Variants in LRP1B observed in about 807,000 individuals in gnomAD.
LRP1B encodes low-density lipoprotein receptor-related protein 1B.
A neutral mutation model predicts 556.6 loss-of-function variants in LRP1B; 217 were observed. The ratio of observed to expected loss-of-function variants is 0.39; its 90% CI spans 0.35 to 0.44. The LOEUF (loss-of-function observed/expected upper bound fraction) is 0.44, where lower values mean the gene tolerates loss of function less well. Ranked by LOEUF, LRP1B falls within the 20% of genes least tolerant of loss-of-function variation. The pLI, the probability that LRP1B is intolerant of heterozygous loss-of-function variation, is 1.00. For synonymous variants in LRP1B, 2,047 were observed against 1,865.8 expected, an observed-to-expected ratio of 1.10 and a Z score of -2.50; for missense variants, 5,053 against 5,620.8, an observed-to-expected ratio of 0.90 and a Z score of 3.23.
chr2:140,740,975 C>T (rs1299496366), intron 35 of LRP1B, among the ~76,000 whole-genome samples: 1 of 152,116 alleles, frequency 6.6e-6, no homozygotes, highest in African/African-American at 2.4e-5. Flanking sequence ...TTTTGAGGGA[C>T]ACCACTCAGC....
At chr2:141,084,895 C>T (rs1327627944) in intron 7 of LRP1B, among the ~76,000 whole-genome samples, 2 of 151,966 alleles carry the variant, frequency 1.3e-5, no homozygotes, top group Admixed American at 6.6e-5. Flanking sequence ...GTGATCCGCC[C>T]GCCTCGGCCT....
At chr2:141,454,196 G>A (rs1193225706) in intron 3 of LRP1B, among the ~76,000 whole-genome samples, 1 of 152,166 alleles carries the variant, frequency 6.6e-6, no homozygotes, top group Non-Finnish European at 1.5e-5. Context: ...TCTAAGTTAA[G>A]AGACTATAAT....
At chr2:140,591,373 G>A (rs1682217461) in intron 43 of LRP1B, among the ~76,000 whole-genome samples, 1 of 152,132 alleles carries the variant, frequency 6.6e-6, no homozygotes, top group South Asian at 2.1e-4. Flanking sequence ...TGACAGTTAG[G>A]TACTCTGCTT....
chr2:141,069,349 T>C (rs913403996), intron 7 of LRP1B, among the ~76,000 whole-genome samples: 1 of 152,034 alleles, frequency 6.6e-6, no homozygotes, highest in African/African-American at 2.4e-5. Context: ...ATAGAAAGAT[T>C]TGTACATTTT....
At chr2:140,971,651 G>A (rs13421521) in intron 18 of LRP1B, among the ~76,000 whole-genome samples, 79,277 of 151,932 alleles carry the variant, frequency 0.52, 22,803 homozygotes, top group Non-Finnish European at 0.64. Context: ...TGGCTAACAC[G>A]GTGAAACCCT....
chr2:141,765,378 C>G (rs1167918968), intron 2 of LRP1B, among the ~76,000 whole-genome samples: 1 of 152,078 alleles, frequency 6.6e-6, no homozygotes, highest in Non-Finnish European at 1.5e-5. Context: ...TCATAAATAG[C>G]TAGCTTAGTT....
At chr2:141,921,342 T>A (rs1022646692) in intron 1 of LRP1B, among the ~76,000 whole-genome samples, 2 of 152,042 alleles carry the variant, frequency 1.3e-5, no homozygotes, top group African/African-American at 4.8e-5. Flanking sequence ...AAACTTAAAT[T>A]ATTTGTGCAG....
At chr2:141,576,177 A>G (rs1686734473) in intron 2 of LRP1B, among the ~76,000 whole-genome samples, 1 of 56,022 alleles carries the variant, frequency 1.8e-5, no homozygotes. Flanking sequence ...AGCAAAGACC[A>G]ACCCAAATAC....
intron 3 of LRP1B, among the ~76,000 whole-genome samples, chr2:141,288,534 A>G (rs1685813290): frequency 6.6e-6 from 1 of 152,136 alleles, no homozygotes; most frequent in African/African-American, 2.4e-5. Context: ...TCAAGATACT[A>G]CAATAGGTAC....
At chr2:140,972,653 C>T (rs1172737216) in intron 18 of LRP1B, among the ~76,000 whole-genome samples, 1 of 151,764 alleles carries the variant, frequency 6.6e-6, no homozygotes, top group Non-Finnish European at 1.5e-5. Context: ...TGAGAGAAAA[C>T]TTGAAAATTA....
intron 22 of LRP1B, among the ~76,000 whole-genome samples, chr2:140,906,106 C>T (rs1325832336): frequency 6.6e-6 from 1 of 152,092 alleles, no homozygotes; most frequent in Non-Finnish European, 1.5e-5. Flanking sequence ...ATGACTTCAC[C>T]TCTGAAAGAG....
At chr2:141,385,839 C>G (rs1689814415) in intron 3 of LRP1B, among the ~76,000 whole-genome samples, 1 of 152,158 alleles carries the variant, frequency 6.6e-6, no homozygotes. Flanking sequence ...TATTGTGTAA[C>G]AGTTGATGCA....
intron 1 of LRP1B, among the ~76,000 whole-genome samples, chr2:141,862,754 A>C (rs995017626): frequency 6.6e-6 from 1 of 152,214 alleles, no homozygotes; most frequent in Non-Finnish European, 1.5e-5. Context: ...TGTTTATATC[A>C]TAGCCATACA....
intron 41 of LRP1B, among the ~76,000 whole-genome samples, chr2:140,621,435 T>C (rs750932064): frequency 6.6e-6 from 1 of 150,410 alleles, no homozygotes; most frequent in Non-Finnish European, 1.5e-5. Flanking sequence ...TCAAACAATC[T>C]ATAGAGTAAA....
intron 41 of LRP1B, among the ~76,000 whole-genome samples, chr2:140,695,486 A>G (rs1686398882): frequency 6.6e-6 from 1 of 152,098 alleles, no homozygotes; most frequent in Admixed American, 6.5e-5. Context: ...TTCTTTTTAG[A>G]TGCTGTCTCT....
At chr2:141,199,125 T>TGA (rs1681886330) in intron 6 of LRP1B, among the ~76,000 whole-genome samples, 1 of 152,114 alleles carries the variant, frequency 6.6e-6, no homozygotes, top group Non-Finnish European at 1.5e-5. Flanking sequence ...GTGATCAGGG[T>TGA]TCTGTTTCAG....
rs907255242 is a variant in LRP1B, at chr2:141,997,511, A to G, written c.82+133137T>C. Among the ~76,000 whole-genome samples the G allele has an allele frequency of 2.7e-4, 40 of 148,210 alleles. 3 individuals carry two copies. In the South Asian group the frequency reaches 6.9e-3, roughly 25 times the overall value. On this transcript the variant is annotated intron_variant, in intron 1 of 90. Coordinates refer to ENST00000389484, the MANE Select transcript of LRP1B (RefSeq NM_018557.3). ...TATTTTTATTTTCTTGACACAGGGT[A>G]TTGCTCTGTTGCCCAGACTGGAGTG...
chr2:141,926,003 G>C (rs772894532), intron 1 of LRP1B, among the ~76,000 whole-genome samples: 9 of 152,148 alleles, frequency 5.9e-5, no homozygotes, highest in Non-Finnish European at 1.2e-4. Context: ...ATACATTGTA[G>C]TCATTAGGTA....
At chr2:141,415,375 A>G (rs1691059215) in intron 3 of LRP1B, among the ~76,000 whole-genome samples, 1 of 152,114 alleles carries the variant, frequency 6.6e-6, no homozygotes, top group Non-Finnish European at 1.5e-5. Context: ...ACCAAAAATG[A>G]CTTTTCTATC....
Sources: allele counts gnomAD v4.1 joint callset (sites outside exome capture counted in the v4.1 genomes callset), GRCh38; gene constraint gnomAD v4.1.1; transcripts MANE v1.5; gene names NCBI Gene and HGNC (gene_info 2026-07-23, HGNC 2026-07-21).